ADAMTSL1: variants seen among roughly 807,000 people sequenced by gnomAD.
The protein encoded by ADAMTSL1 is ADAMTS-like protein 1.
Under a neutral mutation model 201.8 loss-of-function variants are expected in ADAMTSL1, and 126 were observed. That is an observed-to-expected ratio of 0.62 (90% CI 0.54 to 0.72). ADAMTSL1 has a LOEUF of 0.72. Among genes scored for constraint, ADAMTSL1 ranks in the 30% least tolerant of loss-of-function variants. ADAMTSL1 has a pLI of 0.00. For synonymous variants in ADAMTSL1, 1,121 were observed against 903.4 expected, an observed-to-expected ratio of 1.24 and a Z score of -4.32; for missense variants, 2,679 against 2,277.8, an observed-to-expected ratio of 1.18 and a Z score of -3.59.
In ADAMTSL1 at chr9:18,667,836, C is replaced by G. The variant is rs1314339071; in HGVS notation, c.1085+5763C>G. 1.3e-5 allele frequency among the ~76,000 whole-genome samples: 2 copies of G among 152,128 alleles called. 1 individual carries two copies. The highest frequency in any genetic ancestry group is 2.9e-5 in the Non-Finnish European group (2 of 68,008). ...GGTTCTCTGTTTGTTGTTTTAACAA[C>G]AGGAACTGTAAGTCCTAGGAAAATA... On this transcript the variant is annotated intron_variant, in intron 9 of 28. Coordinates refer to ENST00000380548, the MANE Select transcript of ADAMTSL1 (RefSeq NM_001040272.6).
At chr9:18,807,969 A>G (rs1320394733) in intron 20 of ADAMTSL1, among the ~76,000 whole-genome samples, 1 of 152,216 alleles carries the variant, frequency 6.6e-6, no homozygotes, top group African/African-American at 2.4e-5. Flanking sequence ...CAGTCATCAC[A>G]CAGCAGTAAT....
At chr9:18,874,897 G>C (rs1409345646) in intron 23 of ADAMTSL1, among the ~76,000 whole-genome samples, 3 of 150,512 alleles carry the variant, frequency 2.0e-5, no homozygotes, top group Admixed American at 1.3e-4. Context: ...ATCTGGTCCT[G>C]GACTTTTTTT....
chr9:18,089,851 T>C (rs570041326), intron 1 of ADAMTSL1, among the ~76,000 whole-genome samples: 12 of 152,306 alleles, frequency 7.9e-5, no homozygotes, highest in South Asian at 4.1e-4. Flanking sequence ...CTGCCTATAG[T>C]TAACGATATT....
intron 1 of ADAMTSL1, among the ~76,000 whole-genome samples, chr9:17,966,321 G>T (rs1477638816): frequency 6.6e-6 from 1 of 152,056 alleles, no homozygotes; most frequent in Non-Finnish European, 1.5e-5. Context: ...ACTTTTTACT[G>T]TAAAATAAAA....
chr9:18,376,920 TA>T (rs1837321627), intron 2 of ADAMTSL1, among the ~76,000 whole-genome samples: 1 of 148,296 alleles, frequency 6.7e-6, no homozygotes, highest in Non-Finnish European at 1.5e-5. Context: ...TTATTTAAAA[TA>T]AAATACGTTT....
chr9:18,660,273 C>T (rs1828995395), intron 8 of ADAMTSL1, among the ~76,000 whole-genome samples: 1 of 152,202 alleles, frequency 6.6e-6, no homozygotes, highest in Non-Finnish European at 1.5e-5. Flanking sequence ...AAGTTACCAG[C>T]TTGAAAATTA....
At chr9:18,099,555 G>A (rs1307198443) in intron 1 of ADAMTSL1, among the ~76,000 whole-genome samples, 3 of 147,938 alleles carry the variant, frequency 2.0e-5, no homozygotes, top group East Asian at 2.0e-4. Flanking sequence ...TCTGTATGTC[G>A]AAATTTTTTT....
intron 16 of ADAMTSL1, among the ~76,000 whole-genome samples, chr9:18,765,790 G>T: frequency 6.6e-6 from 1 of 152,094 alleles, no homozygotes; most frequent in East Asian, 1.9e-4. Context: ...AGAGCTAATG[G>T]TCTAAATGGG....
At chr9:18,598,198 C>G (rs891128218) in intron 4 of ADAMTSL1, among the ~76,000 whole-genome samples, 1 of 152,068 alleles carries the variant, frequency 6.6e-6, no homozygotes, top group Non-Finnish European at 1.5e-5. Flanking sequence ...TGAAAGGGAC[C>G]GTGGAGAAAT....
chr9:18,161,307 G>A (rs964579846), intron 1 of ADAMTSL1, among the ~76,000 whole-genome samples: 15 of 151,982 alleles, frequency 9.9e-5, no homozygotes, highest in African/African-American at 3.4e-4. Flanking sequence ...TTTAGCAAAA[G>A]AAACTTCTTT....
rs996886221 is a variant in ADAMTSL1, at chr9:18,639,288, T to G, written c.711T>G (p.Gly237=). 2 of 1,612,790 alleles carry G rather than the reference T, an allele frequency of 1.2e-6. No individual in the cohort carries two copies. The highest frequency in any genetic ancestry group is 1.7e-5 in the Admixed American group (1 of 59,838). The part of the protein sequence containing the change: ...LETKTLQGTK[G]ENSLSSTGTF... ...CCAAAACCCTCCAGGGGACTAAAGG[T>G]GAAAACAGTCTCAGCTCCACAGGAA... Residue 237 remains glycine, a synonymous_variant, in exon 7 of 29, where the codon GGT becomes GGG. Coordinates refer to ENST00000380548, the MANE Select transcript of ADAMTSL1 (RefSeq NM_001040272.6).
At chr9:18,047,628 G>T (rs1296590662) in intron 1 of ADAMTSL1, among the ~76,000 whole-genome samples, 1 of 152,108 alleles carries the variant, frequency 6.6e-6, no homozygotes, top group Non-Finnish European at 1.5e-5. Flanking sequence ...GTGGGGTGGG[G>T]TGATGACACT....
chr9:18,865,530 A>T (rs916919764), intron 23 of ADAMTSL1, among the ~76,000 whole-genome samples: 1 of 152,210 alleles, frequency 6.6e-6, no homozygotes, highest in African/African-American at 2.4e-5. Context: ...AGAAGGGGGC[A>T]ACTTCATGTA....
intron 4 of ADAMTSL1, among the ~76,000 whole-genome samples, chr9:18,575,355 C>G (rs191771626): frequency 1.3e-5 from 2 of 152,056 alleles, no homozygotes; most frequent in Non-Finnish European, 2.9e-5. Context: ...GAGTTTGTCA[C>G]TGATGAAACA....
chr9:18,756,727 G>A (rs1819796104), intron 16 of ADAMTSL1, among the ~76,000 whole-genome samples: 1 of 152,176 alleles, frequency 6.6e-6, no homozygotes, highest in Non-Finnish European at 1.5e-5. Context: ...AAAGGAGATG[G>A]GGGATCACAT....
intron 2 of ADAMTSL1, among the ~76,000 whole-genome samples, chr9:18,195,292 G>A (rs1344029960): frequency 6.6e-6 from 1 of 152,264 alleles, no homozygotes; most frequent in Non-Finnish European, 1.5e-5. Flanking sequence ...TGCTCTAGTG[G>A]TGTATCCTCC....
chr9:18,405,288 C>A (rs891258606), intron 2 of ADAMTSL1, among the ~76,000 whole-genome samples: 1 of 152,192 alleles, frequency 6.6e-6, no homozygotes, highest in Admixed American at 6.5e-5. Flanking sequence ...ACGCCTCACC[C>A]TCAGCACAGC....
chr9:18,010,736 C>T (rs983340175), intron 1 of ADAMTSL1, among the ~76,000 whole-genome samples: 4 of 151,918 alleles, frequency 2.6e-5, no homozygotes, highest in East Asian at 1.9e-4. Context: ...TCCATTTGGT[C>T]GATGTAATTC....
rs78064376 is a variant in ADAMTSL1, at chr9:17,956,700, G to A, written c.87+49778G>A. On this transcript the variant is annotated intron_variant, in intron 1 of 29. Coordinates refer to the ADAMTSL1 transcript ENST00000680146. ...TTTATTGATCATGCAAGTCACTAAG[G>A]CCAGCTTAGGTTCAAGCAATTAGAA... is the stretch of plus-strand genomic sequence containing the variant. Among the ~76,000 whole-genome samples, 1,081 of 152,164 alleles carry A rather than the reference G, an allele frequency of 7.1e-3. 16 individuals carry two copies. The highest frequency in any genetic ancestry group is 0.025 in the African/African-American group (1,032 of 41,504).
Sources: gnomAD v4.1 joint callset for allele counts (sites outside exome capture counted in the v4.1 genomes callset) on GRCh38, gnomAD v4.1.1 for gene constraint, MANE v1.5 for transcripts, NCBI Gene and HGNC (gene_info 2026-07-23, HGNC 2026-07-21) for gene names.